AFG2A: variants seen among roughly 807,000 people sequenced by gnomAD.
AFG2A encodes ATPase family gene 2 protein homolog A.
the AFG2A span, among the ~76,000 whole-genome samples, chr4:123,147,285 G>A: frequency 6.6e-6 from 1 of 152,060 alleles, no homozygotes; most frequent in Non-Finnish European, 1.5e-5. Context: ...ATTCACTTGT[G>A]ATGGGGGTGG....
chr4:123,028,751 A>G, the AFG2A span, among the ~76,000 whole-genome samples: 1 of 152,172 alleles, frequency 6.6e-6, no homozygotes, highest in South Asian at 2.1e-4. Context: ...CAGTGAATTC[A>G]ATATTTACAT....
chr4:123,001,169 A>G, the AFG2A span, among the ~76,000 whole-genome samples: 3 of 146,132 alleles, frequency 2.1e-5, no homozygotes, highest in Admixed American at 2.1e-4. Context: ...ATCATTTTTT[A>G]TTGCGTTTAT....
At chr4:123,196,341 T>C in the AFG2A span, among the ~76,000 whole-genome samples, 1 of 151,966 alleles carries the variant, frequency 6.6e-6, no homozygotes, top group African/African-American at 2.4e-5. Flanking sequence ...AAATGGTGAC[T>C]TGAGGAGTTA....
At chr4:123,202,111 T>C in the AFG2A span, among the ~76,000 whole-genome samples, 1 of 152,198 alleles carries the variant, frequency 6.6e-6, no homozygotes, top group Non-Finnish European at 1.5e-5. Context: ...CTTTTAAAAT[T>C]TATTTTTAGT....
the AFG2A span, among the ~76,000 whole-genome samples, chr4:122,951,826 C>T: frequency 1.1e-4 from 16 of 152,100 alleles, no homozygotes; most frequent in African/African-American, 3.1e-4. Flanking sequence ...AGTCATTGGG[C>T]GGTCAGACAT....
chr4:123,200,704 G>A, the AFG2A span, among the ~76,000 whole-genome samples: 1 of 152,202 alleles, frequency 6.6e-6, no homozygotes, highest in East Asian at 1.9e-4. Context: ...CTTGTTGCAT[G>A]TTGGCAGTTG....
the AFG2A span, among the ~76,000 whole-genome samples, chr4:122,983,882 A>T: frequency 2.0e-5 from 3 of 152,194 alleles, no homozygotes; most frequent in Non-Finnish European, 4.4e-5. Context: ...AAGACAGACA[A>T]CAATCACTGC....
the AFG2A span, among the ~76,000 whole-genome samples, chr4:123,072,845 G>C: frequency 6.6e-6 from 1 of 152,034 alleles, no homozygotes; most frequent in African/African-American, 2.4e-5. Context: ...TCTTTCCTAG[G>C]GATAGAGATT....
the AFG2A span, chr4:123,028,150 G>A: frequency 1.9e-6 from 3 of 1,573,842 alleles, no homozygotes; most frequent in Non-Finnish European, 1.7e-6. Flanking sequence ...GTTTGTCCTG[G>A]CAAAACTTAT....
At chr4:123,113,005 G>C in the AFG2A span, among the ~76,000 whole-genome samples, 2 of 152,016 alleles carry the variant, frequency 1.3e-5, no homozygotes, top group African/African-American at 4.8e-5. Context: ...GGTTAGTGTG[G>C]AGTCATTCAT....
the AFG2A span, among the ~76,000 whole-genome samples, chr4:123,241,536 T>A: frequency 1.3e-5 from 2 of 152,110 alleles, no homozygotes; most frequent in African/African-American, 4.8e-5. Flanking sequence ...AAAAACCACA[T>A]GATTATCTCA....
the AFG2A span, among the ~76,000 whole-genome samples, chr4:123,034,114 T>G: frequency 2.4e-4 from 37 of 152,232 alleles, no homozygotes; most frequent in African/African-American, 8.4e-4. Context: ...TGCCCTTCCT[T>G]ATTGTAGGTT....
At chr4:122,932,910 A>T in the AFG2A span, among the ~76,000 whole-genome samples, 1 of 152,250 alleles carries the variant, frequency 6.6e-6, no homozygotes, top group African/African-American at 2.4e-5. Context: ...TATTAATTAG[A>T]GTCTTTCTCC....
At chr4:123,149,757 T>A in the AFG2A span, among the ~76,000 whole-genome samples, 43 of 151,880 alleles carry the variant, frequency 2.8e-4, no homozygotes, top group Admixed American at 1.4e-3. Flanking sequence ...TAGCAAACAT[T>A]TAAAACTTTT....
the AFG2A span, among the ~76,000 whole-genome samples, chr4:123,052,051 G>GT: frequency 3.9e-5 from 6 of 151,908 alleles, no homozygotes; most frequent in African/African-American, 1.5e-4. Flanking sequence ...GTCTTTCTCA[G>GT]TTTTTTTCTT....
chr4:122,978,228 C>T, the AFG2A span, among the ~76,000 whole-genome samples: 20 of 151,426 alleles, frequency 1.3e-4, no homozygotes, highest in Non-Finnish European at 2.9e-4. Flanking sequence ...GTGGGTGGCT[C>T]CTTTCTGCAG....
chr4:122,955,801 A>G, the AFG2A span, among the ~76,000 whole-genome samples: 15 of 152,338 alleles, frequency 9.8e-5, no homozygotes, highest in South Asian at 2.9e-3. Context: ...CAAGGCAAAT[A>G]CAAACATTCT....
chr4:123,074,551 T>TATCTTTTGAGTTCTTA, the AFG2A span, among the ~76,000 whole-genome samples: 1 of 151,992 alleles, frequency 6.6e-6, no homozygotes. Context: ...CCATTAAGAC[T>TATCTTTTGAGTTCTTA]ATCTTTTGAG....
At chr4:122,938,823 C>T in the AFG2A span, among the ~76,000 whole-genome samples, 3 of 152,014 alleles carry the variant, frequency 2.0e-5, no homozygotes, top group Admixed American at 2.0e-4. Context: ...TCTCGAACTC[C>T]TTACCTTGTC....
Sources: gnomAD v4.1 joint callset for allele counts (sites outside exome capture counted in the v4.1 genomes callset) on GRCh38, gnomAD v4.1.1 for gene constraint, MANE v1.5 for transcripts, NCBI Gene and HGNC (gene_info 2026-07-23, HGNC 2026-07-21) for gene names.